Variants in ARHGAP31 observed in about 807,000 individuals in gnomAD.
The protein encoded by ARHGAP31 is rho GTPase-activating protein 31.
Under a neutral mutation model 113.9 loss-of-function variants are expected in ARHGAP31, and 34 were observed. The ratio of observed to expected loss-of-function variants is 0.30; its 90% CI spans 0.23 to 0.40. The LOEUF is 0.40. ARHGAP31 is among the 10% of genes least tolerant of loss of function. ARHGAP31 has a pLI of 1.00. For missense variants in ARHGAP31, 1,548 were observed against 1,767.1 expected, an observed-to-expected ratio of 0.88 and a Z score of 2.22; for synonymous variants, 650 against 684.8, an observed-to-expected ratio of 0.95 and a Z score of 0.79.
chr3:119,302,303 A>C (rs911459532), intron 1 of ARHGAP31, among the ~76,000 whole-genome samples: 2 of 152,234 alleles, frequency 1.3e-5, no homozygotes, highest in African/African-American at 4.8e-5. Context: ...ATTTCAACTA[A>C]GGCTTCACAT....
intron 1 of ARHGAP31, among the ~76,000 whole-genome samples, chr3:119,347,054 C>A (rs1166904535): frequency 6.6e-6 from 1 of 152,156 alleles, no homozygotes; most frequent in Admixed American, 6.5e-5. Flanking sequence ...AAATATAGAT[C>A]TGGGAAGAGA....
intron 1 of ARHGAP31, among the ~76,000 whole-genome samples, chr3:119,357,821 G>C (rs940435040): frequency 6.6e-6 from 1 of 152,180 alleles, no homozygotes; most frequent in Non-Finnish European, 1.5e-5. Flanking sequence ...GGATAGTGCT[G>C]CTTTGGATTT....
chr3:119,382,963 A>G lies in ARHGAP31; in HGVS notation c.540-121A>G, dbSNP rs115364825. 28 of 1,305,474 alleles carry G rather than the reference A, an allele frequency of 2.1e-5. No individual in the cohort carries two copies. The African/African-American group carries it at 3.9e-4, about 18-fold the overall frequency. 80.9% of individuals were successfully genotyped at this position (1,305,474 alleles called of 1,614,324 possible). On this transcript the variant is annotated intron_variant, in intron 5 of 11. Transcript: ENST00000264245. The stretch of plus-strand genomic sequence containing the variant: ...CTTTAATTGGCCCTAAATAATTAAA[A>G]TATTCTATGAACTGTATCAATTTAG...
chr3:119,397,502 A>T (rs1449285434), intron 8 of ARHGAP31, among the ~76,000 whole-genome samples: 2 of 152,238 alleles, frequency 1.3e-5, no homozygotes, highest in African/African-American at 4.8e-5. Flanking sequence ...CAGTAAATCA[A>T]TTTATAGATT....
rs142765090 is a variant in ARHGAP31 at position 119,405,776 on chromosome 3, T to C, written c.1645+3379T>C. Reference sequence around the variant, plus strand: ...GACAATGCCCTTCCCTTTTGAGCTATAGAGATTTCTTGTAGTTTACAAGTA... The same window carrying C: ...GACAATGCCCTTCCCTTTTGAGCTACAGAGATTTCTTGTAGTTTACAAGTA... On this transcript the variant is annotated intron_variant, in intron 10 of 11. Transcript: ENST00000264245. Among the ~76,000 whole-genome samples the C allele has an allele frequency of 1.6e-3, 250 of 152,312 alleles. 1 individual carries two copies. The highest frequency in any genetic ancestry group is 5.8e-3 in the African/African-American group (241 of 41,578).
chr3:119,408,088 A>G (rs1002272915), intron 10 of ARHGAP31, among the ~76,000 whole-genome samples: 6 of 152,196 alleles, frequency 3.9e-5, no homozygotes, highest in African/African-American at 1.4e-4. Flanking sequence ...TACATATTAT[A>G]TAAGCAACCT....
At chr3:119,323,358 G>A (rs2079810513) in intron 1 of ARHGAP31, among the ~76,000 whole-genome samples, 1 of 152,204 alleles carries the variant, frequency 6.6e-6, no homozygotes, top group Non-Finnish European at 1.5e-5. Context: ...GCCCGGATGG[G>A]CTTCTCGCGC....
chr3:119,395,600 C>G (rs538002797), intron 8 of ARHGAP31, among the ~76,000 whole-genome samples: 191 of 152,176 alleles, frequency 1.3e-3, no homozygotes, highest in African/African-American at 4.5e-3. Flanking sequence ...GAGCAGGGAC[C>G]CTTCTTTTCC....
Position 119,383,223 on chromosome 3 carries a change from G to A in ARHGAP31, c.679G>A (p.Asp227Asn), listed in dbSNP as rs748245130. Residue 227 changes from aspartate to asparagine, a missense_variant, in exon 6 of 12, where the codon GAT becomes AAT. By Grantham distance (23) the Asp-to-Asn change is conservative (BLOSUM62 1). Transcript: ENST00000264245. ...NNGAPGSLENDENRPIMKSLT... is the reference protein window; with the variant it reads ...NNGAPGSLENNENRPIMKSLT... ...CGGTGCACCTGGGTCTCTGGAGAAT[G>A]ATGGTAAGGACTCCTCCTAGCATAC... 3 of 1,614,144 alleles carry A rather than the reference G, an allele frequency of 1.9e-6. No homozygotes were observed. Among genetic ancestry groups the A allele is most frequent in the Non-Finnish European group, 2.5e-6 (3 of 1,180,010 alleles).
chr3:119,320,275 G>A (rs1158273497), intron 1 of ARHGAP31, among the ~76,000 whole-genome samples: 1 of 152,166 alleles, frequency 6.6e-6, no homozygotes, highest in African/African-American at 2.4e-5. Flanking sequence ...AAGATCTCCA[G>A]GGATACAGGG....
In ARHGAP31 at chr3:119,305,332, G is replaced by A. The variant is rs113634130; in HGVS notation, c.100+10328G>A. 3.1e-3 allele frequency among the ~76,000 whole-genome samples: 475 copies of A among 152,268 alleles called. 3 individuals are homozygous for A. The highest frequency in any genetic ancestry group is 0.011 in the African/African-American group (461 of 41,540). On this transcript the variant is annotated intron_variant, in intron 1 of 11. Coordinates refer to ENST00000264245, the MANE Select transcript of ARHGAP31 (RefSeq NM_020754.4). ...TCTGGCAATTGAGTTCCCATCCCCA[G>A]TTTTTCAAAGTAAAACACTTAGGTT...
chr3:119,297,909 A>AACACACACACACACACACACACACAC (rs10575145), intron 1 of ARHGAP31, among the ~76,000 whole-genome samples: 39 of 142,776 alleles, frequency 2.7e-4, no homozygotes, highest in African/African-American at 1.0e-3. Context: ...TTTCCTTAGA[A>AACACACACACACACACACACACACAC]ACACACACAC....
rs1448021440 is a variant in ARHGAP31, at chr3:119,370,816, T to TCACCTATA, written c.348+2301_348+2308dup. On this transcript the variant is annotated intron_variant, in intron 3 of 11. Transcript: ENST00000264245. ...TATAAACATTATAATACACATTTTT[T>TCACCTATA]CACCTATATTTTTACACTATTTTTT... Among the ~76,000 whole-genome samples the TCACCTATA allele has an allele frequency of 2.6e-5, 4 of 152,338 alleles. No individual in the cohort carries two copies. The East Asian group carries it at 5.8e-4, about 22-fold the overall frequency.
intron 1 of ARHGAP31, among the ~76,000 whole-genome samples, chr3:119,331,930 G>A (rs917452028): frequency 4.6e-5 from 7 of 152,090 alleles, no homozygotes; most frequent in African/African-American, 1.4e-4. Flanking sequence ...ATTCCCTTAG[G>A]TGAAGAGCTC....
At chr3:119,335,845 G>C (rs923620964) in intron 1 of ARHGAP31, among the ~76,000 whole-genome samples, 1 of 152,208 alleles carries the variant, frequency 6.6e-6, no homozygotes, top group Non-Finnish European at 1.5e-5. Flanking sequence ...AGCTGCCCGA[G>C]TGCACAGGAA....
intron 1 of ARHGAP31, among the ~76,000 whole-genome samples, chr3:119,355,727 C>T (rs145417542): frequency 2.0e-3 from 308 of 152,198 alleles, no homozygotes; most frequent in Non-Finnish European, 3.0e-3. Flanking sequence ...TGAATGAGAA[C>T]ATGTGGTGTT....
At chr3:119,350,399 G>A (rs746000619) in intron 1 of ARHGAP31, among the ~76,000 whole-genome samples, 10 of 152,142 alleles carry the variant, frequency 6.6e-5, no homozygotes, top group Non-Finnish European at 1.5e-4. Context: ...AGTCGTAGCT[G>A]GCCCAAGATG....
intron 10 of ARHGAP31, among the ~76,000 whole-genome samples, chr3:119,404,505 G>C (rs1324415762): frequency 6.6e-6 from 1 of 152,164 alleles, no homozygotes; most frequent in Non-Finnish European, 1.5e-5. Context: ...GACGGGGTGA[G>C]GTTAACTTCA....
In ARHGAP31 at chr3:119,356,336, C is replaced by A. The variant is rs181426366; in HGVS notation, c.101-8980C>A. ...TTTCATTCTCTCTTAACAACAACAA[C>A]AAAAAAAACCATGGCTGGGCACGGT... On this transcript the variant is annotated intron_variant, in intron 1 of 11. Coordinates refer to ENST00000264245, the MANE Select transcript of ARHGAP31 (RefSeq NM_020754.4). 7.5e-3 allele frequency among the ~76,000 whole-genome samples: 1,140 copies of A among 151,530 alleles called. 9 individuals carry two copies. The highest frequency in any genetic ancestry group is 9.3e-3 in the Non-Finnish European group (631 of 67,834).
Sources: allele counts gnomAD v4.1 joint callset (sites outside exome capture counted in the v4.1 genomes callset), GRCh38; gene constraint gnomAD v4.1.1; transcripts MANE v1.5; gene names NCBI Gene and HGNC (gene_info 2026-07-23, HGNC 2026-07-21).